The following RCAN1 variants were observed in gnomAD, a reference collection of about 807,000 sequenced individuals.
RCAN1 encodes calcipressin-1.
A neutral mutation model predicts 22.9 loss-of-function variants in RCAN1; 11 were observed. That is an observed-to-expected ratio of 0.48 (90% CI 0.30 to 0.79). The LOEUF (loss-of-function observed/expected upper bound fraction) is 0.79. Among genes scored for constraint, RCAN1 ranks in the 30% least tolerant of loss-of-function variants. The probability of loss-of-function intolerance (pLI) is 0.06; values close to 1 mark genes in which losing one functional copy is unlikely to be tolerated. For missense variants in RCAN1, 291 were observed against 337.8 expected, an observed-to-expected ratio of 0.86 and a Z score of 1.09; for synonymous variants, 136 against 142.3, an observed-to-expected ratio of 0.96 and a Z score of 0.32.
At chr21:34,612,166 C>T (rs559221719) in intron 1 of RCAN1, among the ~76,000 whole-genome samples, 4 of 152,290 alleles carry the variant, frequency 2.6e-5, no homozygotes, top group African/African-American at 9.6e-5. Context: ...ACCAGGTCTC[C>T]TTGCTTCCTC....
intron 1 of RCAN1, among the ~76,000 whole-genome samples, chr21:34,550,203 T>C (rs1487595865): frequency 6.6e-6 from 1 of 152,210 alleles, no homozygotes; most frequent in Non-Finnish European, 1.5e-5. Context: ...AGCAGATGTG[T>C]CATCTCCCAA....
chr21:34,586,539 G>A (rs1987804333), intron 1 of RCAN1, among the ~76,000 whole-genome samples: 1 of 152,180 alleles, frequency 6.6e-6, no homozygotes, highest in African/African-American at 2.4e-5. Context: ...TGCAGCAAAA[G>A]CCATACTTAG....
chr21:34,542,172 C>T (rs1367698931), intron 1 of RCAN1, among the ~76,000 whole-genome samples: 1 of 152,130 alleles, frequency 6.6e-6, no homozygotes, highest in African/African-American at 2.4e-5. Context: ...AACAAATTCT[C>T]TGAAGATGGC....
intron 1 of RCAN1, among the ~76,000 whole-genome samples, chr21:34,596,395 C>G (rs761044758): frequency 5.9e-5 from 9 of 152,140 alleles, no homozygotes; most frequent in East Asian, 5.8e-4. Flanking sequence ...TGCAGGGAAC[C>G]CCCTCACTGG....
At chr21:34,531,330 G>T (rs757374934) in intron 1 of RCAN1, among the ~76,000 whole-genome samples, 1 of 152,118 alleles carries the variant, frequency 6.6e-6, no homozygotes, top group Non-Finnish European at 1.5e-5. Flanking sequence ...AACTATGCCC[G>T]CCTTGGGCCA....
chr21:34,595,902 C>A (rs1464151789), intron 1 of RCAN1, among the ~76,000 whole-genome samples: 1 of 152,336 alleles, frequency 6.6e-6, no homozygotes, highest in East Asian at 1.9e-4. Flanking sequence ...CTGGGGGTCC[C>A]CCACACAGTC....
chr21:34,535,992 T>G (rs1985653600), intron 1 of RCAN1, among the ~76,000 whole-genome samples: 1 of 152,140 alleles, frequency 6.6e-6, no homozygotes, highest in Non-Finnish European at 1.5e-5. Flanking sequence ...ATCTTAAGAC[T>G]GAGGTCACAG....
intron 1 of RCAN1, among the ~76,000 whole-genome samples, chr21:34,577,482 C>G (rs1349034696): frequency 6.6e-6 from 1 of 152,038 alleles, no homozygotes; most frequent in Non-Finnish European, 1.5e-5. Flanking sequence ...GCCTGTAGTC[C>G]CAGCTACTTG....
chr21:34,614,439 G>T lies in RCAN1; in HGVS notation c.252+321C>A. On this transcript the variant is annotated intron_variant, in intron 1 of 3. Transcript: ENST00000313806. This position sits in a 1 kb window ranked among gnomAD's most constrained non-coding sequence, Gnocchi z 6.0. ...GTAAATGCGGGGCGATGGCGAGAGC[G>T]CAGGGGGCGGCGGCGCTGCCCCACC... 1.1e-5 allele frequency: 11 copies of T among 1,008,232 alleles called. No individual in the cohort carries two copies. Among genetic ancestry groups the T allele is most frequent in the African/African-American group, 1.7e-5 (1 of 58,172 alleles). 62.5% of individuals were successfully genotyped at this position (1,008,232 alleles called of 1,614,324 possible). A position where few individuals can be genotyped will look rare whatever the true frequency, so the allele number is the denominator to read the frequency against.
chr21:34,563,243 A>T (rs1334222159), intron 1 of RCAN1, among the ~76,000 whole-genome samples: 1 of 152,212 alleles, frequency 6.6e-6, no homozygotes, highest in Non-Finnish European at 1.5e-5. Flanking sequence ...CTGACAGAAT[A>T]TTTTTGAGTT....
Position 34,517,930 on chromosome 21 carries a change from A to T in RCAN1, c.*154T>A. The T allele has an allele frequency of 1.2e-6, 1 of 848,470 alleles. No homozygotes were observed. Among genetic ancestry groups the T allele is most frequent in the Non-Finnish European group, 1.8e-6 (1 of 540,820 alleles). The allele number at this position is 848,470 out of a possible 1,614,324, so 52.6% of individuals were successfully genotyped here. On this transcript the variant is annotated 3_prime_UTR_variant, in exon 4 of 4. Coordinates refer to ENST00000313806, the MANE Select transcript of RCAN1 (RefSeq NM_004414.7). ...TGGTGTGCAGCATTAGAACAAGGGGACACGGCCTTGATTCTCTTCTGAGCA... is the reference window on the plus strand; with the variant it reads ...TGGTGTGCAGCATTAGAACAAGGGGTCACGGCCTTGATTCTCTTCTGAGCA...
At chr21:34,540,370 C>T (rs1424278668) in intron 1 of RCAN1, among the ~76,000 whole-genome samples, 1 of 152,190 alleles carries the variant, frequency 6.6e-6, no homozygotes, top group African/African-American at 2.4e-5. Context: ...CAAGCACCTA[C>T]ACTGAGCAGA....
chr21:34,532,937 A>G (rs1156292076), intron 1 of RCAN1, among the ~76,000 whole-genome samples: 1 of 151,268 alleles, frequency 6.6e-6, no homozygotes, highest in Non-Finnish European at 1.5e-5. Flanking sequence ...TTGATAATAC[A>G]GTCATATGAT....
intron 1 of RCAN1, among the ~76,000 whole-genome samples, chr21:34,562,683 C>T (rs979323988): frequency 3.9e-4 from 59 of 152,198 alleles, no homozygotes; most frequent in African/African-American, 1.4e-3. Context: ...ATCCCAGATT[C>T]GCTCAGCCCT....
At chr21:34,537,840 GT>G (rs1162975431) in intron 1 of RCAN1, among the ~76,000 whole-genome samples, 2 of 152,194 alleles carry the variant, frequency 1.3e-5, no homozygotes, top group African/African-American at 4.8e-5. Flanking sequence ...GTGTGTGTGT[GT>G]GTGTGTACTT....
intron 1 of RCAN1, among the ~76,000 whole-genome samples, chr21:34,613,493 C>T (rs1988734597): frequency 6.6e-6 from 1 of 152,114 alleles, no homozygotes; most frequent in Non-Finnish European, 1.5e-5. Context: ...GGATTGTATC[C>T]AACACTGGAA....
chr21:34,535,049 G>A (rs1568892563), intron 1 of RCAN1, among the ~76,000 whole-genome samples: 2 of 152,218 alleles, frequency 1.3e-5, no homozygotes, highest in Non-Finnish European at 2.9e-5. Flanking sequence ...GTTTCATAAA[G>A]TATCCAGCAT....
chr21:34,590,339 T>C (rs1008135648), intron 1 of RCAN1, among the ~76,000 whole-genome samples: 7 of 152,256 alleles, frequency 4.6e-5, no homozygotes, highest in Non-Finnish European at 8.8e-5. Flanking sequence ...AGCAAAGATA[T>C]TGCTTTGTTT....
chr21:34,577,966 G>A (rs549824541), intron 1 of RCAN1, among the ~76,000 whole-genome samples: 2 of 152,242 alleles, frequency 1.3e-5, no homozygotes, highest in South Asian at 2.1e-4. Context: ...AAAAGTCTGC[G>A]GCATGACCGA....
Sources: allele counts gnomAD v4.1 joint callset (sites outside exome capture counted in the v4.1 genomes callset), GRCh38; gene constraint gnomAD v4.1.1; non-coding constraint Gnocchi (gnomAD v3.1); transcripts MANE v1.5; gene names NCBI Gene and HGNC (gene_info 2026-07-23, HGNC 2026-07-21).